Variants in CCT6B observed in about 807,000 individuals in gnomAD.
CCT6B encodes probable T-complex protein 1 subunit zeta-2.
CCT6B carries 49 observed loss-of-function variants against 61.5 expected under a neutral mutation model. The observed-to-expected ratio is 0.80, with a 90% confidence interval of 0.63 to 1.01. The LOEUF (loss-of-function observed/expected upper bound fraction) is 1.01. Ranked by LOEUF, CCT6B falls within the 50% of genes least tolerant of loss-of-function variation. CCT6B has a pLI of 0.00. For synonymous variants in CCT6B, 228 were observed against 214.5 expected, an observed-to-expected ratio of 1.06 and a Z score of -0.55; for missense variants, 666 against 634.7, an observed-to-expected ratio of 1.05 and a Z score of -0.53.
At position 34,942,819 on chromosome 17, in the gene CCT6B, G is replaced by C. The variant is rs191418224; in HGVS notation, c.702C>G (p.Asn234Lys). The change falls in exon 6 of 14, where the codon AAC becomes AAG. Residue 234 changes from asparagine (N) to lysine (K), a missense_variant. Coordinates refer to ENST00000314144, the MANE Select transcript of CCT6B (RefSeq NM_006584.4). ...RVEDAFILIC[N>K]VSLEYEKTEV... ...ACGTTTTTTCATATTCCAGTGAAAC[G>C]TTGCAAATAAGGATAAATGCATCTT... The C allele has an allele frequency of 1.9e-6, 3 of 1,606,518 alleles. No homozygotes were observed. Among genetic ancestry groups the C allele is most frequent in the South Asian group, 1.1e-5 (1 of 89,736 alleles).
intron 2 of CCT6B, 108 bp from the exon 3 acceptor site, chr17:34,958,802 G>T: frequency 1.4e-6 from 1 of 735,956 alleles, no homozygotes; most frequent in Non-Finnish European, 2.0e-6. Flanking sequence ...AATGAAATAA[G>T]CTTCATTCTA....
chr17:34,956,230 A>C (rs1223933178), intron 3 of CCT6B, among the ~76,000 whole-genome samples: 1 of 152,046 alleles, frequency 6.6e-6, no homozygotes, highest in East Asian at 1.9e-4. Context: ...AGCAACACCA[A>C]AATGCTTGTA....
At chr17:34,959,679 A>C in intron 1 of CCT6B, 29 bp from the exon 2 acceptor site, 1 of 1,527,434 alleles carries the variant, frequency 6.5e-7, no homozygotes, top group South Asian at 1.1e-5. Context: ...TATTAACTTC[A>C]TGTGGTAGGA....
chr17:34,942,122 C>T (rs983134112), intron 7 of CCT6B, among the ~76,000 whole-genome samples: 1 of 148,934 alleles, frequency 6.7e-6, no homozygotes, highest in Admixed American at 6.7e-5. Flanking sequence ...ATTTCAGAAT[C>T]AAAATTTAAT....
At chr17:34,961,131 G>C (rs894481471) in intron 1 of CCT6B, 126 bp downstream of exon 1, 1 of 1,212,080 alleles carries the variant, frequency 8.3e-7, no homozygotes, top group Non-Finnish European at 1.1e-6. Flanking sequence ...CCCAGAGCAG[G>C]GATGAGAATG....
chr17:34,961,311 C>G lies in CCT6B; in HGVS notation c.83G>C (p.Arg28Pro), dbSNP rs770270136. ...AALAVNICAA[R>P]GLQDVLRTNL... is the part of the protein sequence containing the mutation. ...GGTCCGCAGCACATCCTGCAGCCCT[C>G]GGGCGGCGCATATATTGACAGCCAA... is the stretch of plus-strand genomic sequence containing the variant. The change falls in exon 1 of 14, where the codon CGA (arginine) becomes CCA (proline). Residue 28 changes from arginine (R) to proline (P), a missense_variant. Coordinates refer to ENST00000314144, the MANE Select transcript of CCT6B (RefSeq NM_006584.4). The G allele has an allele frequency of 2.5e-6, 4 of 1,612,990 alleles. No homozygotes were observed. The highest frequency in any genetic ancestry group is 3.4e-6 in the Non-Finnish European group (4 of 1,179,924).
At chr17:34,931,517 G>T (rs2090036102) in intron 11 of CCT6B, among the ~76,000 whole-genome samples, 1 of 152,050 alleles carries the variant, frequency 6.6e-6, no homozygotes, top group Admixed American at 6.6e-5. Context: ...GTGGTAACAG[G>T]GTTGGAGATA....
chr17:34,959,280 C>T (rs1013698630), intron 2 of CCT6B, among the ~76,000 whole-genome samples: 6 of 149,906 alleles, frequency 4.0e-5, no homozygotes, highest in Non-Finnish European at 7.4e-5. Context: ...TATGTCACCA[C>T]ACTGAGCAAA....
At position 34,941,860 on chromosome 17, in the gene CCT6B, T is replaced by C. The variant is rs539772941; in HGVS notation, c.885+624A>G. Among the ~76,000 whole-genome samples, 32 of 152,198 alleles carry C rather than the reference T, an allele frequency of 2.1e-4. 1 individual carries two copies. In the South Asian group the frequency reaches 6.4e-3, roughly 31 times the overall value. On this transcript the variant is annotated intron_variant, in intron 7 of 13. Transcript: ENST00000314144. ...GAGACCAGCCTGCACAACATGGCAA[T>C]ACCCAGCCTCTACGAAAAAACTTAA...
At chr17:34,937,461 C>A (rs147119952) in intron 10 of CCT6B, among the ~76,000 whole-genome samples, 61 of 152,094 alleles carry the variant, frequency 4.0e-4, no homozygotes, top group African/African-American at 1.4e-3. Flanking sequence ...AAAGGCAATT[C>A]GGTGGTGAAA....
intron 11 of CCT6B, among the ~76,000 whole-genome samples, 195 bp downstream of exon 11, chr17:34,932,172 G>A (rs1423043859): frequency 6.6e-6 from 1 of 152,216 alleles, no homozygotes; most frequent in Admixed American, 6.5e-5. Context: ...GCTATTTCAT[G>A]AGATCGTGCA....
intron 10 of CCT6B, among the ~76,000 whole-genome samples, chr17:34,936,108 G>A (rs1567664241): frequency 6.6e-6 from 1 of 151,984 alleles, no homozygotes; most frequent in Non-Finnish European, 1.5e-5. Flanking sequence ...CTGCCACCAT[G>A]CCCAGCTAAT....
chr17:34,943,712 T>C (rs1457214982), intron 5 of CCT6B: 1 of 151,654 alleles, frequency 6.6e-6, no homozygotes, highest in Non-Finnish European at 1.5e-5. Context: ...CAAGTATACA[T>C]ATGTAACAAA....
chr17:34,949,231 G>A (rs1056958891), intron 5 of CCT6B, among the ~76,000 whole-genome samples: 2 of 152,012 alleles, frequency 1.3e-5, no homozygotes, highest in Admixed American at 6.6e-5. Context: ...AGAGGTGGGC[G>A]GATCGCCTGA....
At chr17:34,955,061 TG>T (rs1379879391) in intron 3 of CCT6B, among the ~76,000 whole-genome samples, 1 of 152,232 alleles carries the variant, frequency 6.6e-6, no homozygotes, top group African/African-American at 2.4e-5. Flanking sequence ...AACAGTTCTA[TG>T]GTATTTTGGC....
intron 9 of CCT6B, 85 bp downstream of exon 9, chr17:34,939,532 A>G (rs2090135716): frequency 1.1e-6 from 1 of 937,916 alleles, no homozygotes; most frequent in Non-Finnish European, 1.7e-6. Context: ...AACACAAAAC[A>G]TGAAATAAAA....
At chr17:34,939,749 G>A in intron 8 of CCT6B, 36 bp from the exon 9 acceptor site, 1 of 1,240,440 alleles carries the variant, frequency 8.1e-7, no homozygotes, top group Non-Finnish European at 1.2e-6. Context: ...GCTTGATTAT[G>A]GAGAACATTA....
chr17:34,935,706 A>C (rs1939803162), intron 10 of CCT6B, among the ~76,000 whole-genome samples: 1 of 151,924 alleles, frequency 6.6e-6, no homozygotes, highest in Admixed American at 6.6e-5. Flanking sequence ...AACATACCAA[A>C]ATTACCCTGG....
In CCT6B at chr17:34,928,069, A is replaced by G. The variant is rs1315706649; in HGVS notation, c.1572T>C (p.Ala524=). The change falls in exon 14 of 14, where the codon GCT becomes GCC. Residue 524 remains alanine, a synonymous_variant. Transcript: ENST00000314144. The part of the protein sequence containing the change: ...NILLVDEIMR[A]GMSSLK ...ATCATCATTTGAGAGAAGACATCCC[A>G]GCTCGCATAATTTCATCAACCAGGA... 1 of 1,610,838 alleles carries G rather than the reference A, an allele frequency of 6.2e-7. No homozygotes were observed. The highest frequency in any genetic ancestry group is 8.5e-7 in the Non-Finnish European group (1 of 1,178,238).
Sources: allele counts gnomAD v4.1 joint callset (sites outside exome capture counted in the v4.1 genomes callset), GRCh38; gene constraint gnomAD v4.1.1; transcripts MANE v1.5; gene names NCBI Gene and HGNC (gene_info 2026-07-23, HGNC 2026-07-21).